The following ANP32A variants were observed in gnomAD, a reference collection of about 807,000 sequenced individuals.
The protein encoded by ANP32A is acidic leucine-rich nuclear phosphoprotein 32 family member A.
A neutral mutation model predicts 33.9 loss-of-function variants in ANP32A; 1 was observed. The observed-to-expected ratio is 0.03, with a 90% CI of 0.01 to 0.14. The LOEUF is 0.14. Ranked by LOEUF, ANP32A falls within the 10% of genes least tolerant of loss-of-function variation. The pLI is 1.00. For synonymous variants in ANP32A, 115 were observed against 120.5 expected (o/e 0.95, Z 0.30); for missense variants, 155 against 306.0 (o/e 0.51, Z 3.68).
chr15:68,794,505 CAA>C (rs1239828356), intron 1 of ANP32A, among the ~76,000 whole-genome samples: 1 of 152,222 alleles, frequency 6.6e-6, no homozygotes, highest in Admixed American at 6.5e-5. Context: ...TCTTTGCACA[CAA>C]GAGAAGACTC....
At chr15:68,820,181 T>C (rs1894451964) in intron 1 of ANP32A, among the ~76,000 whole-genome samples, 2 of 151,460 alleles carry the variant, frequency 1.3e-5, no homozygotes, top group Non-Finnish European at 2.9e-5. Flanking sequence ...ACTTATTGTG[T>C]GTGCGAGCGA....
intron 1 of ANP32A, among the ~76,000 whole-genome samples, chr15:68,807,149 G>A (rs1156380409): frequency 6.6e-6 from 1 of 152,230 alleles, no homozygotes; most frequent in Non-Finnish European, 1.5e-5. Context: ...TGTCACCTAG[G>A]TGGACACAGT....
intron 4 of ANP32A, 84 bp downstream of exon 4, chr15:68,784,313 G>T: frequency 1.5e-6 from 2 of 1,290,660 alleles, no homozygotes; most frequent in Non-Finnish European, 2.2e-6. Flanking sequence ...CCAACACCCA[G>T]CCCACCCACC....
chr15:68,785,898 T>C (rs1410636880), intron 3 of ANP32A, among the ~76,000 whole-genome samples: 2 of 152,208 alleles, frequency 1.3e-5, no homozygotes, highest in Admixed American at 6.5e-5. Context: ...AAATCAAGAC[T>C]TCCAGACAGA....
At chr15:68,784,308 A>AAC in intron 4 of ANP32A, 89 bp downstream of exon 4, 2 of 1,455,654 alleles carry the variant, frequency 1.4e-6, no homozygotes, top group Non-Finnish European at 1.9e-6. Flanking sequence ...GCCTCCCAAC[A>AAC]CCCAGCCCAC....
At chr15:68,796,637 T>G (rs565991094) in intron 1 of ANP32A, among the ~76,000 whole-genome samples, 9 of 152,170 alleles carry the variant, frequency 5.9e-5, no homozygotes, top group African/African-American at 2.2e-4. Context: ...CAGCAGGTGG[T>G]GTGTGAACAG....
At chr15:68,816,915 T>C (rs1468312835) in intron 1 of ANP32A, among the ~76,000 whole-genome samples, 2 of 152,188 alleles carry the variant, frequency 1.3e-5, no homozygotes, top group Non-Finnish European at 2.9e-5. Context: ...CCTGGTTGGC[T>C]TGCATAAACT....
chr15:68,785,527 G>A (rs993971771), intron 3 of ANP32A, among the ~76,000 whole-genome samples: 6 of 152,226 alleles, frequency 3.9e-5, no homozygotes, highest in Non-Finnish European at 8.8e-5. Flanking sequence ...AATGTCGGGA[G>A]CTAGGTTGCT....
At chr15:68,807,028 T>A (rs1894239319) in intron 1 of ANP32A, among the ~76,000 whole-genome samples, 1 of 152,248 alleles carries the variant, frequency 6.6e-6, no homozygotes, top group Non-Finnish European at 1.5e-5. Flanking sequence ...AAAGGAGCAC[T>A]GACCAGACAG....
chr15:68,816,609 C>T (rs115836480), intron 1 of ANP32A, among the ~76,000 whole-genome samples: 2,395 of 152,212 alleles, frequency 0.016, 59 homozygotes, highest in African/African-American at 0.048. Context: ...ACAGCATATA[C>T]TGAGGGCCAT....
In ANP32A at chr15:68,779,962, C is replaced by T. The variant is rs1422585585; in HGVS notation, c.*119G>A. 1.2e-6 allele frequency: 1 copy of T among 860,434 alleles called. No individual in the cohort carries two copies. The highest frequency in any genetic ancestry group is 1.8e-6 in the Non-Finnish European group (1 of 569,370). 53.3% of individuals were successfully genotyped at this position (860,434 alleles called of 1,614,324 possible). On this transcript the variant is annotated 3_prime_UTR_variant, in exon 7 of 7. Coordinates refer to ENST00000465139, the MANE Select transcript of ANP32A (RefSeq NM_006305.4). ...CACTCTTCCCCTCTCGTTCCCACAG[C>T]AACGTTACAATCAGAAAAAAATAAG... is the stretch of plus-strand genomic sequence containing the variant.
intron 3 of ANP32A, 137 bp downstream of exon 3, chr15:68,787,276 C>T: frequency 7.9e-7 from 1 of 1,269,016 alleles, no homozygotes; most frequent in Non-Finnish European, 1.1e-6. Flanking sequence ...GAAACAATAG[C>T]TCAATTCTAT....
chr15:68,798,911 G>C (rs1894095902), intron 1 of ANP32A, among the ~76,000 whole-genome samples: 1 of 152,234 alleles, frequency 6.6e-6, no homozygotes, highest in African/African-American at 2.4e-5. Context: ...AAGCCCTGTT[G>C]TCCAACCACC....
At chr15:68,812,935 G>T (rs1397512577) in intron 1 of ANP32A, 4 of 152,194 alleles carry the variant, frequency 2.6e-5, no homozygotes, top group African/African-American at 9.7e-5. Context: ...CAAACAACTT[G>T]TCCAACTTAC....
At position 68,780,747 on chromosome 15, in the gene ANP32A, C is replaced by G. The variant is rs1596062276; in HGVS notation, c.625-274G>C. The G allele has an allele frequency of 5.2e-6, 2 of 382,542 alleles. No homozygotes were observed. The highest frequency in any genetic ancestry group is 1.1e-4 in the East Asian group (2 of 18,798). 23.7% of individuals were successfully genotyped at this position (382,542 alleles called of 1,614,324 possible). A position where few individuals can be genotyped will look rare whatever the true frequency, so the allele number is the denominator to read the frequency against. On this transcript the variant is annotated intron_variant, in intron 5 of 6. Coordinates refer to ENST00000465139, the MANE Select transcript of ANP32A (RefSeq NM_006305.4). The surrounding 1 kb of genome is among the most constrained non-coding windows in gnomAD (Gnocchi z 4.3). ...AAGCAGTTTCAGGGGGTTATGGATTCCAGGACCCAGGTTAAGAACTCTGAT... is the reference window on the plus strand; with the variant it reads ...AAGCAGTTTCAGGGGGTTATGGATTGCAGGACCCAGGTTAAGAACTCTGAT...
intron 1 of ANP32A, among the ~76,000 whole-genome samples, chr15:68,802,939 C>G (rs1894158663): frequency 6.6e-6 from 1 of 152,162 alleles, no homozygotes; most frequent in South Asian, 2.1e-4. Context: ...CAGACGTGAG[C>G]CATTGTGCCC....
Position 68,787,761 on chromosome 15 carries a change from T to C in ANP32A, c.204+9A>G. The stretch of plus-strand genomic sequence containing the variant: ...GCCTCCCAGCACACACAGACTCCAC[T>C]CTATTTACCTTCTTAAGTTTGTTTA... On this transcript the variant is annotated intron_variant, in intron 2 of 6. Transcript: ENST00000465139. 8.2e-7 allele frequency: 1 copy of C among 1,218,840 alleles called. No individual in the cohort carries two copies. The highest frequency in any genetic ancestry group is 1.2e-6 in the Non-Finnish European group (1 of 832,020). 75.5% of individuals were successfully genotyped at this position (1,218,840 alleles called of 1,614,324 possible). A position where few individuals can be genotyped will look rare whatever the true frequency, so the allele number is the denominator to read the frequency against.
At chr15:68,813,315 T>G (rs1215431756) in intron 1 of ANP32A, among the ~76,000 whole-genome samples, 1 of 152,208 alleles carries the variant, frequency 6.6e-6, no homozygotes, top group Middle Eastern at 3.2e-3. Context: ...CAACTAGTTC[T>G]AGACAAGGAG....
chr15:68,801,248 A>C lies in ANP32A; in HGVS notation c.55-13329T>G, dbSNP rs539154518. On this transcript the variant is annotated intron_variant, in intron 1 of 6. Transcript: ENST00000465139. ...AAAAAAAAAAAAAGCAAAGGAAAAA[A>C]GTGAAGGAGAAGAAGCTTTAATCAG... Among the ~76,000 whole-genome samples, 4 of 152,018 alleles carry C rather than the reference A, an allele frequency of 2.6e-5. No homozygotes were observed. In the East Asian group the frequency reaches 7.7e-4, roughly 29 times the overall value.
Sources: allele counts gnomAD v4.1 joint callset (sites outside exome capture counted in the v4.1 genomes callset), GRCh38; gene constraint gnomAD v4.1.1; non-coding constraint Gnocchi (gnomAD v3.1); transcripts MANE v1.5; gene names NCBI Gene and HGNC (gene_info 2026-07-23, HGNC 2026-07-21).